The following TMCC1 variants were observed in gnomAD, a reference collection of about 807,000 sequenced individuals.
TMCC1 encodes transmembrane and coiled-coil domains protein 1.
In TMCC1, 15 loss-of-function variants were observed where a neutral mutation model predicts 52.4. The ratio of observed to expected loss-of-function variants is 0.29; its 90% CI spans 0.19 to 0.44. The LOEUF is 0.44. Ranked by LOEUF, TMCC1 falls within the 20% of genes least tolerant of loss-of-function variation. The pLI is 1.00. For synonymous variants in TMCC1, 279 were observed against 301.9 expected (o/e 0.92, Z 0.79); for missense variants, 503 against 806.0 (o/e 0.62, Z 4.55).
intron 4 of TMCC1, among the ~76,000 whole-genome samples, chr3:129,700,627 C>T (rs1461923569): frequency 6.6e-6 from 1 of 152,090 alleles, no homozygotes; most frequent in East Asian, 1.9e-4. Flanking sequence ...CAGGTGCACG[C>T]CACCATGCCT....
intron 5 of TMCC1, among the ~76,000 whole-genome samples, chr3:129,661,444 A>G (rs1280248055): frequency 6.6e-6 from 1 of 152,060 alleles, no homozygotes; most frequent in Non-Finnish European, 1.5e-5. Context: ...AGAAAAACCC[A>G]CAAACAAAAA....
At chr3:129,746,596 T>C (rs1289657182) in intron 4 of TMCC1, among the ~76,000 whole-genome samples, 1 of 152,212 alleles carries the variant, frequency 6.6e-6, no homozygotes. Context: ...CACTTGTGCA[T>C]TTGAATAATA....
chr3:129,881,199 G>C (rs1040127437), intron 1 of TMCC1, among the ~76,000 whole-genome samples: 5 of 152,098 alleles, frequency 3.3e-5, no homozygotes, highest in Non-Finnish European at 7.3e-5. Flanking sequence ...AACAAAAAGT[G>C]ATCACATGGA....
intron 4 of TMCC1, among the ~76,000 whole-genome samples, chr3:129,724,136 G>A (rs1326895589): frequency 6.6e-6 from 1 of 152,112 alleles, no homozygotes; most frequent in Non-Finnish European, 1.5e-5. Context: ...CAGTATCACT[G>A]TAATATGAAG....
intron 4 of TMCC1, among the ~76,000 whole-genome samples, chr3:129,755,969 G>T (rs184394204): frequency 5.3e-5 from 8 of 152,244 alleles, no homozygotes; most frequent in Non-Finnish European, 8.8e-5. Context: ...GTGGTGGTGG[G>T]CACCTTTAAT....
chr3:129,868,587 C>T (rs1478769024), intron 2 of TMCC1, among the ~76,000 whole-genome samples: 1 of 152,174 alleles, frequency 6.6e-6, no homozygotes, highest in African/African-American at 2.4e-5. Context: ...CACAGGTGCA[C>T]ACCATCATGC....
At chr3:129,798,857 T>C (rs896686750) in intron 4 of TMCC1, among the ~76,000 whole-genome samples, 1 of 152,242 alleles carries the variant, frequency 6.6e-6, no homozygotes, top group Admixed American at 6.5e-5. Context: ...ATTTTCAAAA[T>C]GTTTAGTCAA....
chr3:129,791,086 T>C (rs1370764315), intron 4 of TMCC1, among the ~76,000 whole-genome samples: 1 of 126,742 alleles, frequency 7.9e-6, no homozygotes, highest in Non-Finnish European at 1.6e-5. Context: ...TGACACTCCA[T>C]AATTTTTTTT....
chr3:129,827,887 G>A lies in TMCC1; in HGVS notation c.492C>T (p.Thr164=), dbSNP rs377445924. Residue 164 remains threonine (T), a synonymous_variant, in exon 4 of 7, where the codon ACC becomes ACT. Transcript: ENST00000393238. ...AAGCTATTTCCATCATAGCAGAGCT[G>A]GTAGGTGCATCAGTTGTGGATGAAG... ...PRSSSTTDAP[T]SSAMMEIACA... is the part of the protein sequence containing the mutation. 2.8e-4 allele frequency: 460 copies of A among 1,614,066 alleles called. 2 individuals are homozygous for A. The highest frequency in any genetic ancestry group is 7.2e-4 in the South Asian group (66 of 91,086).
intron 1 of TMCC1, among the ~76,000 whole-genome samples, chr3:129,887,212 C>A (rs1159957792): frequency 6.6e-6 from 1 of 151,238 alleles, no homozygotes; most frequent in Non-Finnish European, 1.5e-5. Context: ...TATTTCAAAT[C>A]ATAAATTGTA....
rs1295466422 is a variant in TMCC1 at position 129,827,939 on chromosome 3, G to A, written c.440C>T (p.Ala147Val). ...CCTGGGTCGGCCTGACTGCATAACA[G>A]CTGTCATCTCCTGACCAGACTTCCT... The part of the protein sequence containing the change: ...INRKSGQEMT[A>V]VMQSGRPRSS... The change falls in exon 4 of 7, where the codon GCT becomes GTT. Residue 147 changes from alanine to valine, a missense_variant. By Grantham distance (64) the Ala-to-Val change is moderately conservative (BLOSUM62 0). This residue lies in a region of TMCC1 where 217 missense variants were observed against 297.9 expected (regional missense o/e 0.73). Coordinates refer to ENST00000393238, the MANE Select transcript of TMCC1 (RefSeq NM_001017395.5). 1.9e-6 allele frequency: 3 copies of A among 1,614,158 alleles called. No individual in the cohort carries two copies. The East Asian group carries it at 6.7e-5, about 36-fold the overall frequency.
intron 2 of TMCC1, chr3:129,867,184 A>G (rs1055315642): frequency 3.9e-5 from 6 of 152,206 alleles, no homozygotes; most frequent in African/African-American, 1.4e-4. Flanking sequence ...TCTTAAAATG[A>G]CCTTACTCAA....
At chr3:129,677,906 T>C (rs1237470183) in intron 4 of TMCC1, among the ~76,000 whole-genome samples, 2 of 152,222 alleles carry the variant, frequency 1.3e-5, no homozygotes, top group African/African-American at 4.8e-5. Flanking sequence ...GTATCTCTAC[T>C]TGCATGTCCA....
At chr3:129,687,501 A>G (rs988812150) in intron 4 of TMCC1, among the ~76,000 whole-genome samples, 2 of 152,214 alleles carry the variant, frequency 1.3e-5, no homozygotes, top group Non-Finnish European at 2.9e-5. Context: ...GTCCATAAAT[A>G]TTGGAGGGCT....
At chr3:129,865,639 A>T (rs1261850752) in intron 2 of TMCC1, among the ~76,000 whole-genome samples, 1 of 152,218 alleles carries the variant, frequency 6.6e-6, no homozygotes, top group African/African-American at 2.4e-5. Flanking sequence ...GGCACATAAT[A>T]GATGCTTAAT....
intron 1 of TMCC1, among the ~76,000 whole-genome samples, chr3:129,887,257 T>C (rs74591704): frequency 6.6e-6 from 1 of 150,812 alleles, no homozygotes; most frequent in South Asian, 2.1e-4. Context: ...AAAAAAAAAA[T>C]ACTGGGCTAG....
At chr3:129,795,521 A>C (rs1326772000) in intron 4 of TMCC1, among the ~76,000 whole-genome samples, 1 of 152,186 alleles carries the variant, frequency 6.6e-6, no homozygotes, top group African/African-American at 2.4e-5. Flanking sequence ...CATATGCTAC[A>C]TTTAAAGCCT....
chr3:129,801,573 T>G (rs955016690), intron 4 of TMCC1, among the ~76,000 whole-genome samples: 3 of 152,146 alleles, frequency 2.0e-5, no homozygotes, highest in Non-Finnish European at 4.4e-5. Flanking sequence ...GCAATTCTCC[T>G]GCTTCAGCCT....
intron 2 of TMCC1, among the ~76,000 whole-genome samples, chr3:129,859,584 C>T (rs1418500083): frequency 6.6e-6 from 1 of 151,770 alleles, no homozygotes; most frequent in East Asian, 1.9e-4. Context: ...CTGCAGTGAG[C>T]CATGATCTCA....
Sources: allele counts gnomAD v4.1 joint callset (sites outside exome capture counted in the v4.1 genomes callset), GRCh38; gene constraint gnomAD v4.1.1; regional missense constraint gnomAD v4.1.1; transcripts MANE v1.5; gene names NCBI Gene and HGNC (gene_info 2026-07-23, HGNC 2026-07-21).